ATXN7: variants seen among roughly 807,000 people sequenced by gnomAD.
ATXN7 encodes ataxin 7.
Under a neutral mutation model 70.5 loss-of-function variants are expected in ATXN7, and 12 were observed. That is an observed-to-expected ratio of 0.17 (90% CI 0.11 to 0.28). The LOEUF is 0.28. Among genes scored for constraint, ATXN7 ranks in the 10% least tolerant of loss-of-function variants. ATXN7 has a pLI of 1.00. For missense variants in ATXN7, 1,256 were observed against 1,131.7 expected (o/e 1.11, Z -1.58); for synonymous variants, 498 against 448.7 (o/e 1.11, Z -1.39).
intron 1 of ATXN7, among the ~76,000 whole-genome samples, chr3:63,866,293 G>A (rs1035958964): frequency 2.6e-5 from 4 of 152,096 alleles, no homozygotes; most frequent in Admixed American, 2.6e-4. Flanking sequence ...TGTTGCCTAG[G>A]CTGGAGTGCA....
At chr3:63,941,219 C>G (rs1456993613) in intron 4 of ATXN7, among the ~76,000 whole-genome samples, 3 of 152,078 alleles carry the variant, frequency 2.0e-5, no homozygotes, top group Non-Finnish European at 4.4e-5. Context: ...ATCTTTCTAG[C>G]TCCTTGGTCG....
At chr3:63,926,453 G>T (rs898138595) in intron 4 of ATXN7, among the ~76,000 whole-genome samples, 2 of 152,194 alleles carry the variant, frequency 1.3e-5, no homozygotes, top group Admixed American at 1.3e-4. Flanking sequence ...CAGCAAATCT[G>T]AAGTCTCTGG....
At chr3:63,993,275 A>ATTTTTTTTTT (rs556994956) in intron 11 of ATXN7, among the ~76,000 whole-genome samples, 4 of 116,014 alleles carry the variant, frequency 3.4e-5, no homozygotes, top group African/African-American at 9.8e-5. Context: ...TTGTTGGTGT[A>ATTTTTTTTTT]TTTTTTTTTT....
chr3:63,990,512 G>C lies in ATXN7; in HGVS notation c.1560+138G>C, dbSNP rs1424321009. 6 of 1,216,988 alleles carry C rather than the reference G, an allele frequency of 4.9e-6. 1 individual carries two copies. In the East Asian group the frequency reaches 1.5e-4, roughly 30 times the overall value. The allele number at this position is 1,216,988 out of a possible 1,614,324, so 75.4% of individuals were successfully genotyped here. A position where few individuals can be genotyped will look rare whatever the true frequency, so the allele number is the denominator to read the frequency against. ...GTGTGAGAGAAGTTCAAAACAGGGT[G>C]CCCCAGAGGCAGCACACACTCTGTA... On this transcript the variant is annotated intron_variant, in intron 10 of 12. Transcript: ENST00000674280.
chr3:63,955,073 G>A (rs1015922852), intron 5 of ATXN7, among the ~76,000 whole-genome samples: 1 of 151,994 alleles, frequency 6.6e-6, no homozygotes, highest in African/African-American at 2.4e-5. Flanking sequence ...TCCCTAGCAC[G>A]GTATCTCCTA....
intron 2 of ATXN7, chr3:63,905,808 C>T (rs945424547): frequency 1.3e-5 from 2 of 152,050 alleles, no homozygotes; most frequent in Non-Finnish European, 2.9e-5. Context: ...TCAAGGTCTC[C>T]AGGTCTTGAA....
At chr3:63,939,955 C>T (rs1002621970) in intron 4 of ATXN7, among the ~76,000 whole-genome samples, 4 of 151,838 alleles carry the variant, frequency 2.6e-5, no homozygotes, top group African/African-American at 9.7e-5. Flanking sequence ...TGACCTATTC[C>T]TAGGGTGTTA....
chr3:63,986,186 C>G (rs2075575711), intron 8 of ATXN7, among the ~76,000 whole-genome samples: 2 of 152,142 alleles, frequency 1.3e-5, no homozygotes, highest in Admixed American at 1.3e-4. Context: ...TAAAGCCAGC[C>G]AGGTGGCTGA....
intron 4 of ATXN7, among the ~76,000 whole-genome samples, chr3:63,921,936 C>G (rs1274248621): frequency 6.6e-6 from 1 of 152,150 alleles, no homozygotes; most frequent in Non-Finnish European, 1.5e-5. Context: ...AAGTGAAATG[C>G]CAGTTTTGCT....
intron 11 of ATXN7, among the ~76,000 whole-genome samples, chr3:63,991,836 G>C (rs571754401): frequency 2.0e-5 from 3 of 151,942 alleles, no homozygotes; most frequent in Non-Finnish European, 2.9e-5. Flanking sequence ...AAAAAAAAAG[G>C]TTCTGTTTTT....
intron 5 of ATXN7, among the ~76,000 whole-genome samples, chr3:63,958,388 A>T (rs774511249): frequency 1.3e-5 from 2 of 152,212 alleles, no homozygotes; most frequent in African/African-American, 2.4e-5. Context: ...TGTTAGTACT[A>T]TAAGAGAAAA....
chr3:63,888,949 A>G (rs1031732134), intron 1 of ATXN7, among the ~76,000 whole-genome samples: 6 of 152,120 alleles, frequency 3.9e-5, no homozygotes, highest in African/African-American at 1.4e-4. Flanking sequence ...GGCTTTTTTC[A>G]CTTAGCATTT....
intron 1 of ATXN7, among the ~76,000 whole-genome samples, chr3:63,866,397 T>C (rs1559614002): frequency 6.6e-6 from 1 of 152,162 alleles, no homozygotes; most frequent in African/African-American, 2.4e-5. Context: ...ACTACCGGCA[T>C]GTTCCATGAT....
At chr3:63,983,082 C>A in intron 8 of ATXN7, 61 bp downstream of exon 8, 1 of 1,245,974 alleles carries the variant, frequency 8.0e-7, no homozygotes, top group Non-Finnish European at 1.2e-6. Flanking sequence ...CTGGGATGTA[C>A]CACACTACTC....
chr3:63,916,323 C>CA (rs922096401), intron 4 of ATXN7, among the ~76,000 whole-genome samples: 3 of 152,144 alleles, frequency 2.0e-5, no homozygotes, highest in Non-Finnish European at 4.4e-5. Flanking sequence ...GAAAAGGCTT[C>CA]AGGGGATTGT....
At chr3:63,880,846 C>T (rs1334858441) in intron 1 of ATXN7, among the ~76,000 whole-genome samples, 1 of 152,190 alleles carries the variant, frequency 6.6e-6, no homozygotes, top group Non-Finnish European at 1.5e-5. Flanking sequence ...GCTTTCTTTC[C>T]TACTAGAAGT....
intron 1 of ATXN7, among the ~76,000 whole-genome samples, chr3:63,872,747 ACT>A (rs1286944429): frequency 2.0e-5 from 3 of 152,160 alleles, no homozygotes; most frequent in African/African-American, 4.8e-5. Context: ...TAGTAACTAA[ACT>A]CTGTTTGTTT....
chr3:63,892,672 G>C (rs1450718973), intron 1 of ATXN7, among the ~76,000 whole-genome samples: 2 of 152,172 alleles, frequency 1.3e-5, no homozygotes, highest in Non-Finnish European at 2.9e-5. Context: ...CGGGTTCTTA[G>C]CAAGGCAATA....
intron 1 of ATXN7, among the ~76,000 whole-genome samples, chr3:63,881,839 G>A (rs894580838): frequency 2.6e-5 from 4 of 152,182 alleles, no homozygotes; most frequent in African/African-American, 7.2e-5. Context: ...GGGCCAGAGA[G>A]TAAAGTAAAG....
Sources: allele counts gnomAD v4.1 joint callset (sites outside exome capture counted in the v4.1 genomes callset), GRCh38; gene constraint gnomAD v4.1.1; transcripts MANE v1.5; gene names NCBI Gene and HGNC (gene_info 2026-07-23, HGNC 2026-07-21).